Variants in SHTN1 observed in about 807,000 individuals in gnomAD.
The protein encoded by SHTN1 is shootin-1.
Under a neutral mutation model 83.1 loss-of-function variants are expected in SHTN1, and 42 were observed. That is an observed-to-expected ratio of 0.51 (90% CI 0.39 to 0.65). SHTN1 has a LOEUF of 0.65. SHTN1 is among the 30% of genes least tolerant of loss of function. SHTN1 has a pLI of 0.00. For synonymous variants in SHTN1, 224 were observed against 247.7 expected (o/e 0.90, Z 0.90); for missense variants, 622 against 737.8 (o/e 0.84, Z 1.82).
intron 2 of SHTN1, among the ~76,000 whole-genome samples, chr10:117,042,114 G>A (rs1020427566): frequency 1.3e-5 from 2 of 152,262 alleles, no homozygotes; most frequent in East Asian, 3.9e-4. Flanking sequence ...CATTTCAAGT[G>A]TTTTGTAACA....
chr10:117,090,798 G>A (rs1177486728), intron 1 of SHTN1, among the ~76,000 whole-genome samples: 1 of 129,306 alleles, frequency 7.7e-6, no homozygotes, highest in African/African-American at 2.8e-5. Context: ...AGGAAGGAAG[G>A]AAGGAAGGAA....
intron 2 of SHTN1, among the ~76,000 whole-genome samples, chr10:116,976,711 T>C (rs1850821754): frequency 1.3e-5 from 2 of 152,188 alleles, no homozygotes; most frequent in South Asian, 2.1e-4. Context: ...AGGCTTTTAT[T>C]ATATGCTTCC....
intron 1 of SHTN1, among the ~76,000 whole-genome samples, chr10:117,083,166 G>C (rs1218050385): frequency 1.4e-5 from 2 of 147,506 alleles, no homozygotes; most frequent in East Asian, 3.9e-4. Context: ...TTTTGCAGCG[G>C]CTGGTACCGG....
In SHTN1 at chr10:116,992,705, AAG is replaced by A. The variant is rs376158210; in HGVS notation, c.58+12315_58+12316del. 5.3e-5 allele frequency among the ~76,000 whole-genome samples: 8 copies of A among 152,246 alleles called. No homozygotes were observed. The South Asian group carries it at 1.7e-3, about 32-fold the overall frequency. ...GAGATGATTCTTAGAGGGGACAAAA[AAG>A]AGAGGAAAGAGAAGCCAGGAATATA... On this transcript the variant is annotated intron_variant, in intron 1 of 16. Coordinates refer to ENST00000355371, the MANE Select transcript of SHTN1 (RefSeq NM_001127211.3).
rs574288238 is a variant in SHTN1, at chr10:116,995,746, G to A, written c.58+9276C>T. On this transcript the variant is annotated intron_variant, in intron 1 of 16. Coordinates refer to ENST00000355371, the MANE Select transcript of SHTN1 (RefSeq NM_001127211.3). ...ATATGACCAGTTTTTGGGAACTGAG[G>A]TCCCTAGAGGAACCTCAGTTTAATG... Among the ~76,000 whole-genome samples the A allele has an allele frequency of 7.2e-4, 110 of 151,902 alleles. 2 individuals carry two copies. The South Asian group carries it at 0.022, about 30-fold the overall frequency.
At chr10:117,033,146 C>A (rs1448369184) in intron 2 of SHTN1, among the ~76,000 whole-genome samples, 2 of 151,526 alleles carry the variant, frequency 1.3e-5, no homozygotes, top group Non-Finnish European at 1.5e-5. Context: ...AAAGCAAGAG[C>A]AAACCAAACC....
chr10:116,991,286 T>C (rs1444189405), intron 1 of SHTN1, among the ~76,000 whole-genome samples: 1 of 152,242 alleles, frequency 6.6e-6, no homozygotes, highest in Non-Finnish European at 1.5e-5. Context: ...TATAGAATTT[T>C]GGTTTACATT....
At chr10:117,104,937 T>A (rs1471635373) in intron 1 of SHTN1, among the ~76,000 whole-genome samples, 1 of 151,634 alleles carries the variant, frequency 6.6e-6, no homozygotes, top group Non-Finnish European at 1.5e-5. Context: ...TAGTCTCCCT[T>A]CCCTTCAACA....
chr10:116,931,715 A>G (rs1176582010), intron 9 of SHTN1, among the ~76,000 whole-genome samples: 1 of 152,234 alleles, frequency 6.6e-6, no homozygotes, highest in Non-Finnish European at 1.5e-5. Flanking sequence ...ATGGAAAAAA[A>G]ATCAAGGCAT....
chr10:117,063,287 C>A (rs1373164757), intron 1 of SHTN1, among the ~76,000 whole-genome samples: 2 of 152,122 alleles, frequency 1.3e-5, no homozygotes, highest in African/African-American at 4.8e-5. Context: ...AAGCCCCCAT[C>A]CCTTCAGATA....
At chr10:116,940,675 C>T (rs1849336530) in intron 8 of SHTN1, 63 bp from the exon 9 acceptor site, 2 of 1,309,522 alleles carry the variant, frequency 1.5e-6, no homozygotes, top group Non-Finnish European at 2.1e-6. Flanking sequence ...TCAACTGTAA[C>T]TTCAGCAAAA....
At chr10:117,122,173 A>C (rs1853939463) in intron 1 of SHTN1, among the ~76,000 whole-genome samples, 1 of 151,828 alleles carries the variant, frequency 6.6e-6, no homozygotes, top group Non-Finnish European at 1.5e-5. Flanking sequence ...TCATATTGCT[A>C]TTTATTGTTT....
intron 1 of SHTN1, among the ~76,000 whole-genome samples, chr10:117,078,744 A>G (rs1468492481): frequency 1.3e-5 from 2 of 152,216 alleles, no homozygotes; most frequent in Admixed American, 6.5e-5. Context: ...GAGAACCAGA[A>G]GAGTAAAAAC....
chr10:116,885,052 T>C lies in SHTN1; in HGVS notation c.*1292A>G, dbSNP rs1315574373. On this transcript the variant is annotated 3_prime_UTR_variant, in exon 17 of 17. Transcript: ENST00000355371. ...TAACGAACTTACAGAAAGATAATTATCTCCAAATTTAGGAAGTACATGTAC... is the reference window on the plus strand; with the variant it reads ...TAACGAACTTACAGAAAGATAATTACCTCCAAATTTAGGAAGTACATGTAC... 1 of 152,590 alleles carries C rather than the reference T, an allele frequency of 6.6e-6. No individual in the cohort carries two copies. Among genetic ancestry groups the C allele is most frequent in the African/African-American group, 2.4e-5 (1 of 41,432 alleles). 9.5% of individuals were successfully genotyped at this position (152,590 alleles called of 1,614,324 possible). A position where few individuals can be genotyped will look rare whatever the true frequency, so the allele number is the denominator to read the frequency against.
chr10:116,983,440 G>A (rs1312935718), intron 1 of SHTN1, among the ~76,000 whole-genome samples: 1 of 152,102 alleles, frequency 6.6e-6, no homozygotes, highest in Non-Finnish European at 1.5e-5. Flanking sequence ...GAGAAAAGGG[G>A]CTAAAGATCT....
chr10:117,077,951 C>T (rs1428194893), intron 1 of SHTN1, among the ~76,000 whole-genome samples: 1 of 152,152 alleles, frequency 6.6e-6, no homozygotes, highest in Non-Finnish European at 1.5e-5. Context: ...CAGCAGCAAA[C>T]CACCCGCAAC....
At chr10:116,923,088 G>A (rs983617430) in intron 11 of SHTN1, among the ~76,000 whole-genome samples, 3 of 152,018 alleles carry the variant, frequency 2.0e-5, no homozygotes, top group Non-Finnish European at 4.4e-5. Flanking sequence ...ATAGTTTAGG[G>A]ATACATATTA....
intron 9 of SHTN1, among the ~76,000 whole-genome samples, chr10:116,937,669 T>C (rs1199161870): frequency 6.6e-6 from 1 of 152,108 alleles, no homozygotes; most frequent in Non-Finnish European, 1.5e-5. Context: ...GGAGTATCTT[T>C]GTGGTGTTTT....
At chr10:116,918,479 T>A (rs74965704) in intron 12 of SHTN1, among the ~76,000 whole-genome samples, 2 of 152,062 alleles carry the variant, frequency 1.3e-5, no homozygotes, top group African/African-American at 4.8e-5. Flanking sequence ...AAAAAAAAAA[T>A]CTTATGCCAC....
Sources: allele counts gnomAD v4.1 joint callset (sites outside exome capture counted in the v4.1 genomes callset), GRCh38; gene constraint gnomAD v4.1.1; transcripts MANE v1.5; gene names NCBI Gene and HGNC (gene_info 2026-07-23, HGNC 2026-07-21).